PCDHA5: variants seen among roughly 807,000 people sequenced by gnomAD.
The protein encoded by PCDHA5 is protocadherin alpha 5.
In PCDHA5, 43 loss-of-function variants were observed where a neutral mutation model predicts 61.6. That is an observed-to-expected ratio of 0.70 (90% confidence interval 0.55 to 0.90). The LOEUF (loss-of-function observed/expected upper bound fraction) is 0.90, where lower values mean the gene tolerates loss of function less well. PCDHA5 is among the 40% of genes least tolerant of loss of function. PCDHA5 has a pLI of 0.00. For synonymous variants in PCDHA5, 627 were observed against 543.9 expected, an observed-to-expected ratio of 1.15 and a Z score of -2.13; for missense variants, 1,298 against 1,222.7, an observed-to-expected ratio of 1.06 and a Z score of -0.92.
At chr5:141,006,313 G>A (rs190584023) in intron 3 of PCDHA5, among the ~76,000 whole-genome samples, 18 of 152,072 alleles carry the variant, frequency 1.2e-4, no homozygotes, top group Admixed American at 1.1e-3. Context: ...CCGGGTTCAT[G>A]CCATTCTCCT....
Position 140,823,085 on chromosome 5 carries a change from C to G in PCDHA5, c.1310C>G (p.Thr437Ser). The G allele has an allele frequency of 6.2e-7, 1 of 1,613,970 alleles. No individual in the cohort carries two copies. Among genetic ancestry groups the G allele is most frequent in the South Asian group, 1.1e-5 (1 of 91,074 alleles). Residue 437 changes from threonine (T) to serine (S), a missense_variant, in exon 1 of 4, where the codon ACC becomes AGC. By Grantham distance (58) the Thr-to-Ser change is moderately conservative. Transcript: ENST00000529859. ...GGGGGCTCGCCTTCGCTGTGGGCCA[C>G]CGCCAGCGTGTCTGTGGAAGTGGCC... The part of the protein sequence containing the change: ...RDGGSPSLWA[T>S]ASVSVEVADV...
At chr5:140,834,834 C>T in intron 1 of PCDHA5, 1 of 1,611,930 alleles carries the variant, frequency 6.2e-7, no homozygotes, top group Non-Finnish European at 8.5e-7. Context: ...GCTTGACTCT[C>T]GGTTTCCACT....
At chr5:140,902,051 A>G (rs998360115) in intron 1 of PCDHA5, among the ~76,000 whole-genome samples, 2 of 152,100 alleles carry the variant, frequency 1.3e-5, no homozygotes, top group African/African-American at 4.8e-5. Context: ...TTGATTTTGT[A>G]TCCTGCAACT....
In PCDHA5 at chr5:140,853,250, T is replaced by C. The variant is rs187095987; in HGVS notation, c.2352+29123T>C. 492 of 976,066 alleles carry C rather than the reference T, an allele frequency of 5.0e-4. 28 individuals carry two copies. The African/African-American group carries it at 6.8e-3, about 14-fold the overall frequency. The allele number at this position is 976,066 out of a possible 1,614,324, so 60.5% of individuals were successfully genotyped here. On this transcript the variant is annotated intron_variant, in intron 1 of 3. Transcript: ENST00000529859. ...ATTTAGTCCTTCATATTAATCTCTA[T>C]TCTCTCTCAGAGTACAAGCTCTCAT... is the stretch of plus-strand genomic sequence containing the variant.
chr5:140,871,301 C>T lies in PCDHA5; in HGVS notation c.2352+47174C>T, dbSNP rs781904724. 1.9e-6 allele frequency: 3 copies of T among 1,613,800 alleles called. No individual in the cohort carries two copies. In the African/African-American group the frequency reaches 4.0e-5, roughly 22 times the overall value. ...ACGCCCACTGAGGGCGCGTGCGCGC[C>T]GGGGAAGCCCACGCTGGTGTGCTCC... is the stretch of plus-strand genomic sequence containing the variant. On this transcript the variant is annotated intron_variant, in intron 1 of 3. Coordinates refer to ENST00000529859, the MANE Select transcript of PCDHA5 (RefSeq NM_018908.3).
Position 140,849,797 on chromosome 5 carries a change from A to G in PCDHA5, c.2352+25670A>G, listed in dbSNP as rs2150450643. On this transcript the variant is annotated intron_variant, in intron 1 of 3. Coordinates refer to ENST00000529859, the MANE Select transcript of PCDHA5 (RefSeq NM_018908.3). ...CCGCGCGGGACGGGGGCTCGCCTTC[A>G]CTGTGGGCCACGGCCAGGGTGTCTG... 700 of 1,597,928 alleles carry G rather than the reference A, an allele frequency of 4.4e-4. 59 individuals carry two copies. Among genetic ancestry groups the G allele is most frequent in the Non-Finnish European group, 5.7e-4 (663 of 1,167,700 alleles).
chr5:140,849,741 G>A, intron 1 of PCDHA5: 2 of 1,598,488 alleles, frequency 1.3e-6, no homozygotes, highest in Non-Finnish European at 8.6e-7. Context: ...TCTGGACCGC[G>A]AGAGTGTGTC....
chr5:140,864,161 T>A (rs1267371347), intron 1 of PCDHA5: 3 of 152,188 alleles, frequency 2.0e-5, no homozygotes, highest in African/African-American at 7.2e-5. Context: ...AGTTAAATCT[T>A]ACCGGAAGGA....
chr5:141,010,074 G>T lies in PCDHA5; in HGVS notation c.*137G>T, dbSNP rs1444826216. The stretch of plus-strand genomic sequence containing the variant: ...CTCAGAAATCTGCAGAAAGTTCCCT[G>T]TGTCTGTCTAGAACGCATTTAACAG... On this transcript the variant is annotated 3_prime_UTR_variant, in exon 4 of 4. Coordinates refer to ENST00000529859, the MANE Select transcript of PCDHA5 (RefSeq NM_018908.3). 6.8e-6 allele frequency: 11 copies of T among 1,607,726 alleles called. No individual in the cohort carries two copies. Among genetic ancestry groups the T allele is most frequent in the Non-Finnish European group, 9.3e-6 (11 of 1,176,762 alleles).
chr5:140,854,753 A>G (rs1305589005), intron 1 of PCDHA5: 1 of 149,806 alleles, frequency 6.7e-6, no homozygotes, highest in Non-Finnish European at 1.5e-5. Context: ...GATATATTAC[A>G]TTTTCATTCC....
intron 1 of PCDHA5, among the ~76,000 whole-genome samples, chr5:140,919,088 T>C (rs2153552205): frequency 6.6e-6 from 1 of 152,378 alleles, no homozygotes; most frequent in South Asian, 2.1e-4. Context: ...TATTGAATTG[T>C]CTATTTCTCC....
At chr5:140,854,731 T>A (rs536045745) in intron 1 of PCDHA5, 2 of 150,048 alleles carry the variant, frequency 1.3e-5, no homozygotes, top group Admixed American at 1.3e-4. Flanking sequence ...TCAAGTTTTT[T>A]TCAGCAGCAC....
chr5:140,890,760 A>C (rs939413448), intron 1 of PCDHA5, among the ~76,000 whole-genome samples: 2 of 152,188 alleles, frequency 1.3e-5, no homozygotes, highest in Non-Finnish European at 2.9e-5. Flanking sequence ...ATGCTTTAAA[A>C]ATATTTTAAA....
At chr5:140,860,192 C>CATATATATATAT (rs143984774) in intron 1 of PCDHA5, 7 of 146,860 alleles carry the variant, frequency 4.8e-5, no homozygotes, top group African/African-American at 1.8e-4. Context: ...GCTCTCCTTA[C>CATATATATATAT]ATATATATCT....
At chr5:140,841,949 T>A in intron 1 of PCDHA5, 2 of 1,613,920 alleles carry the variant, frequency 1.2e-6, no homozygotes, top group Non-Finnish European at 1.7e-6. Context: ...TGCGCACCAC[T>A]TATTCCTGAC....
intron 3 of PCDHA5, among the ~76,000 whole-genome samples, chr5:140,995,219 GT>G (rs1554254532): frequency 6.6e-6 from 1 of 152,072 alleles, no homozygotes; most frequent in East Asian, 1.9e-4. Flanking sequence ...CAATACTCTT[GT>G]GCTTTGGGGC....
chr5:140,870,962 C>G (rs1489353896), intron 1 of PCDHA5: 2 of 1,613,532 alleles, frequency 1.2e-6, no homozygotes, highest in African/African-American at 1.3e-5. Context: ...TCGCGCATCC[C>G]GTTCCGCGTG....
chr5:140,939,701 T>C (rs782486336), intron 1 of PCDHA5, among the ~76,000 whole-genome samples: 2 of 152,210 alleles, frequency 1.3e-5, no homozygotes, highest in Non-Finnish European at 2.9e-5. Context: ...GACATTATCA[T>C]TTGTGAGATA....
At chr5:140,928,712 G>T in intron 1 of PCDHA5, 2 of 1,614,168 alleles carry the variant, frequency 1.2e-6, no homozygotes, top group Non-Finnish European at 1.7e-6. Flanking sequence ...TCTGACTCTA[G>T]TCTCTTTAGA....
Sources: allele counts gnomAD v4.1 joint callset (sites outside exome capture counted in the v4.1 genomes callset), GRCh38; gene constraint gnomAD v4.1.1; transcripts MANE v1.5; gene names NCBI Gene and HGNC (gene_info 2026-07-23, HGNC 2026-07-21).